Variants in SPSB4 observed in about 807,000 individuals in gnomAD.
SPSB4 encodes splA/ryanodine receptor domain and SOCS box containing 4, also known as SPRY domain-containing SOCS box protein 4.
SPSB4 carries 21 observed loss-of-function variants against 20.9 expected under a neutral mutation model. The ratio of observed to expected loss-of-function variants is 1.01; its 90% CI spans 0.71 to 1.45. The LOEUF is 1.45. Ranked by LOEUF, SPSB4 falls within the 40% of genes most tolerant of loss-of-function variation. The pLI, the probability that SPSB4 is intolerant of heterozygous loss-of-function variation, is 0.00. For missense variants in SPSB4, 399 were observed against 399.2 expected (o/e 1.00, Z 0.00); for synonymous variants, 207 against 183.8 (o/e 1.13, Z -1.02).
intron 2 of SPSB4, among the ~76,000 whole-genome samples, chr3:141,119,501 G>A (rs1419581620): frequency 1.3e-5 from 2 of 152,102 alleles, no homozygotes; most frequent in African/African-American, 4.8e-5. Flanking sequence ...TTGCCTGATT[G>A]CCCTGGCCAG....
At chr3:141,090,331 G>A (rs1440401365) in intron 2 of SPSB4, among the ~76,000 whole-genome samples, 2 of 152,220 alleles carry the variant, frequency 1.3e-5, no homozygotes, top group Non-Finnish European at 2.9e-5. Flanking sequence ...TTATATTTTA[G>A]TAGGTGGAGA....
intron 2 of SPSB4, among the ~76,000 whole-genome samples, chr3:141,082,198 G>C (rs1361073825): frequency 1.3e-5 from 2 of 152,176 alleles, no homozygotes; most frequent in East Asian, 3.9e-4. Flanking sequence ...ATGGCCCATC[G>C]TGAGCCCCAC....
Position 141,117,972 on chromosome 3 carries a change from A to G in SPSB4, c.695-29170A>G, listed in dbSNP as rs1576537043. On this transcript the variant is annotated intron_variant, in intron 2 of 2. Transcript: ENST00000310546. ...AGTGCTGCAATAAACATACGTGTGC[A>G]TGTGTCTTTATTGTAGCATGATTTA... is the stretch of plus-strand genomic sequence containing the variant. Among the ~76,000 whole-genome samples, 4 of 152,204 alleles carry G rather than the reference A, an allele frequency of 2.6e-5. No homozygotes were observed. The South Asian group carries it at 8.3e-4, about 31-fold the overall frequency.
chr3:141,092,326 G>A (rs566598788), intron 2 of SPSB4, among the ~76,000 whole-genome samples: 2 of 152,328 alleles, frequency 1.3e-5, no homozygotes, highest in East Asian at 1.9e-4. Flanking sequence ...ATTAGCATTA[G>A]CATTAGCATA....
At chr3:141,142,672 C>A in intron 2 of SPSB4, among the ~76,000 whole-genome samples, 1 of 151,854 alleles carries the variant, frequency 6.6e-6, no homozygotes, top group East Asian at 1.9e-4. Flanking sequence ...AGTTGTCTAT[C>A]TCATTTCTTA....
chr3:141,124,326 G>A (rs1939017356), intron 2 of SPSB4: 1 of 152,374 alleles, frequency 6.6e-6, no homozygotes, highest in African/African-American at 2.4e-5. Flanking sequence ...ATTTCCTGAA[G>A]TTTGAGGGCA....
intron 2 of SPSB4, among the ~76,000 whole-genome samples, chr3:141,139,565 T>A (rs1279890668): frequency 6.6e-6 from 1 of 152,208 alleles, no homozygotes; most frequent in Non-Finnish European, 1.5e-5. Flanking sequence ...TGCTTGTCTG[T>A]GAAGTATTTT....
intron 2 of SPSB4, among the ~76,000 whole-genome samples, chr3:141,088,641 C>A (rs957299132): frequency 6.6e-6 from 1 of 152,228 alleles, no homozygotes; most frequent in African/African-American, 2.4e-5. Flanking sequence ...AGACAGGAGT[C>A]CATGGTTAAG....
chr3:141,138,784 T>C (rs1462095164), intron 2 of SPSB4, among the ~76,000 whole-genome samples: 1 of 152,224 alleles, frequency 6.6e-6, no homozygotes, highest in African/African-American at 2.4e-5. Flanking sequence ...ATAGGTGTGG[T>C]GTGGTACTGA....
At chr3:141,075,626 T>A (rs2107783849) in intron 2 of SPSB4, among the ~76,000 whole-genome samples, 1 of 152,198 alleles carries the variant, frequency 6.6e-6, no homozygotes, top group South Asian at 2.1e-4. Flanking sequence ...TCTGCATTTC[T>A]AACAAGCTCC....
intron 1 of SPSB4, among the ~76,000 whole-genome samples, chr3:141,057,020 G>A (rs1169161862): frequency 6.6e-6 from 1 of 152,222 alleles, no homozygotes; most frequent in Non-Finnish European, 1.5e-5. Flanking sequence ...GATTCCCATG[G>A]AAACCCCAGG....
chr3:141,112,505 C>T lies in SPSB4; in HGVS notation c.695-34637C>T, dbSNP rs1444110977. On this transcript the variant is annotated intron_variant, in intron 2 of 2. Transcript: ENST00000310546. Reference sequence around the variant, plus strand: ...CTAAAAATACAAAAAATTAGCCGGGCGTAGTGGCGGGCGCCTGTAGTCCCA... The same window carrying T: ...CTAAAAATACAAAAAATTAGCCGGGTGTAGTGGCGGGCGCCTGTAGTCCCA... Among the ~76,000 whole-genome samples, 4 of 150,806 alleles carry T rather than the reference C, an allele frequency of 2.7e-5. No individual in the cohort carries two copies. In the East Asian group the frequency reaches 5.8e-4, roughly 22 times the overall value.
intron 2 of SPSB4, among the ~76,000 whole-genome samples, chr3:141,092,084 G>A (rs755749159): frequency 3.9e-5 from 6 of 152,184 alleles, no homozygotes; most frequent in Admixed American, 1.3e-4. Flanking sequence ...GCAAGGTCTG[G>A]ATTTGTGGGA....
chr3:141,130,105 C>G (rs949408240), intron 2 of SPSB4, among the ~76,000 whole-genome samples: 3 of 152,162 alleles, frequency 2.0e-5, no homozygotes, highest in Non-Finnish European at 4.4e-5. Context: ...CAGGGCCAGT[C>G]GGTACAGGGA....
At chr3:141,064,040 G>T (rs1048056599) in intron 1 of SPSB4, among the ~76,000 whole-genome samples, 16 of 152,224 alleles carry the variant, frequency 1.1e-4, no homozygotes, top group Non-Finnish European at 1.8e-4. Context: ...TTCCCCCAGG[G>T]TGTAGGAGGC....
At chr3:141,143,325 C>T (rs2107809091) in intron 2 of SPSB4, among the ~76,000 whole-genome samples, 1 of 152,330 alleles carries the variant, frequency 6.6e-6, no homozygotes, top group East Asian at 1.9e-4. Context: ...TGATGTGGTA[C>T]TCTCCTGCTT....
intron 1 of SPSB4, among the ~76,000 whole-genome samples, chr3:141,065,740 G>A (rs1473799569): frequency 6.6e-6 from 1 of 152,214 alleles, no homozygotes; most frequent in Non-Finnish European, 1.5e-5. Context: ...ATCTCTTATA[G>A]GGAGATGTTA....
intron 2 of SPSB4, among the ~76,000 whole-genome samples, chr3:141,071,380 A>G (rs1448746694): frequency 1.3e-5 from 2 of 152,122 alleles, no homozygotes; most frequent in Non-Finnish European, 2.9e-5. Context: ...AGACAGAGAC[A>G]AGAGGCCTTG....
At chr3:141,061,887 C>A (rs749201980) in intron 1 of SPSB4, among the ~76,000 whole-genome samples, 1 of 152,024 alleles carries the variant, frequency 6.6e-6, no homozygotes, top group South Asian at 2.1e-4. Context: ...AGGCGTGTGC[C>A]GCCACACCTG....
Sources: allele counts gnomAD v4.1 joint callset (sites outside exome capture counted in the v4.1 genomes callset), GRCh38; gene constraint gnomAD v4.1.1; transcripts MANE v1.5; gene names NCBI Gene and HGNC (gene_info 2026-07-23, HGNC 2026-07-21).